GABRG1: variants seen among roughly 807,000 people sequenced by gnomAD.
The protein encoded by GABRG1 is gamma-aminobutyric acid type A receptor subunit gamma1, also known as gamma-aminobutyric acid receptor subunit gamma-1.
A neutral mutation model predicts 49.8 loss-of-function variants in GABRG1; 49 were observed. The ratio of observed to expected loss-of-function variants is 0.98; its 90% CI spans 0.78 to 1.25. GABRG1 has a LOEUF of 1.25. GABRG1 is among the 50% of genes most tolerant of loss of function. The probability of loss-of-function intolerance (pLI) is 0.00; values close to 1 mark genes in which losing one functional copy is unlikely to be tolerated. For synonymous variants in GABRG1, 232 were observed against 185.1 expected, an observed-to-expected ratio of 1.25 and a Z score of -2.06; for missense variants, 552 against 552.3, an observed-to-expected ratio of 1.00 and a Z score of 0.01.
chr4:46,040,924 G>T lies in GABRG1; in HGVS notation c.*64C>A, dbSNP rs1717746300. The T allele has an allele frequency of 3.1e-5, 45 of 1,474,360 alleles. No homozygotes were observed. The South Asian group carries it at 5.7e-4, about 19-fold the overall frequency. The allele number at this position is 1,474,360 out of a possible 1,614,324, so 91.3% of individuals were successfully genotyped here. ...TTTTAAATTTAAACTTCAAGTTACT[G>T]AAGCACAAAAGATTCTACTGAATTT... On this transcript the variant is annotated 3_prime_UTR_variant, in exon 9 of 9. Transcript: ENST00000295452.
chr4:46,039,049 A>G lies in GABRG1; in HGVS notation c.*1939T>C, dbSNP rs965350907. On this transcript the variant is annotated 3_prime_UTR_variant, in exon 9 of 9. Transcript: ENST00000295452. ...CAAAACTGTCTCATGATAGTAAGCTATAGCTTCAAACATGAAAATAGCCAT... is the reference window on the plus strand; with the variant it reads ...CAAAACTGTCTCATGATAGTAAGCTGTAGCTTCAAACATGAAAATAGCCAT... 4 of 151,778 alleles carry G rather than the reference A, an allele frequency of 2.6e-5. No homozygotes were observed. The highest frequency in any genetic ancestry group is 2.0e-4 in the Admixed American group (3 of 15,200). 9.4% of individuals were successfully genotyped at this position (151,778 alleles called of 1,614,324 possible). A position where few individuals can be genotyped will look rare whatever the true frequency, so the allele number is the denominator to read the frequency against.
At chr4:46,102,010 T>A (rs1023341249) in intron 1 of GABRG1, among the ~76,000 whole-genome samples, 2 of 151,634 alleles carry the variant, frequency 1.3e-5, no homozygotes, top group African/African-American at 2.4e-5. Flanking sequence ...CATGTACACA[T>A]TGTATAATGT....
intron 4 of GABRG1, among the ~76,000 whole-genome samples, chr4:46,065,103 A>C (rs1056271141): frequency 6.6e-6 from 1 of 152,172 alleles, no homozygotes; most frequent in African/African-American, 2.4e-5. Flanking sequence ...TAAGAAAACC[A>C]TAATCTTTAT....
chr4:46,041,306 A>G, intron 8 of GABRG1, 52 bp from the exon 9 acceptor site: 1 of 1,572,194 alleles, frequency 6.4e-7, no homozygotes, highest in South Asian at 1.2e-5. Flanking sequence ...GCATAAGGAA[A>G]GATCAATTTG....
At chr4:46,093,692 A>T (rs115119159) in intron 2 of GABRG1, among the ~76,000 whole-genome samples, 2,412 of 152,124 alleles carry the variant, frequency 0.016, 62 homozygotes, top group African/African-American at 0.056. Context: ...GTATATAAAA[A>T]TACCTCATGT....
rs1291372503 is a variant in GABRG1 at position 46,037,307 on chromosome 4, A to T, written c.*3681T>A. On this transcript the variant is annotated 3_prime_UTR_variant, in exon 9 of 9. Transcript: ENST00000295452. ...TTACATTAACTAGAGCAATGTGGTC[A>T]ATAGTATTTGAAAACTCCATTTGGA... 6.6e-6 allele frequency: 1 copy of T among 151,904 alleles called. No individual in the cohort carries two copies. The highest frequency in any genetic ancestry group is 1.5e-5 in the Non-Finnish European group (1 of 67,866). 9.4% of individuals were successfully genotyped at this position (151,904 alleles called of 1,614,324 possible). A position where few individuals can be genotyped will look rare whatever the true frequency, so the allele number is the denominator to read the frequency against.
intron 3 of GABRG1, among the ~76,000 whole-genome samples, chr4:46,076,672 A>G (rs1719348123): frequency 6.6e-6 from 1 of 151,564 alleles, no homozygotes; most frequent in Admixed American, 6.6e-5. Flanking sequence ...AACATTGCCC[A>G]CAAACCTGCC....
At chr4:46,108,922 T>C (rs1253844630) in intron 1 of GABRG1, among the ~76,000 whole-genome samples, 3 of 151,078 alleles carry the variant, frequency 2.0e-5, no homozygotes. Context: ...TGCCCTTGCA[T>C]TGATAACATA....
At chr4:46,052,401 T>A (rs1308383257) in intron 7 of GABRG1, among the ~76,000 whole-genome samples, 1 of 151,840 alleles carries the variant, frequency 6.6e-6, no homozygotes, top group Non-Finnish European at 1.5e-5. Context: ...CATTTTTTAA[T>A]CTCAATGTTT....
chr4:46,097,139 A>G (rs1720189895), intron 2 of GABRG1, 62 bp downstream of exon 2: 1 of 1,334,452 alleles, frequency 7.5e-7, no homozygotes, highest in Non-Finnish European at 1.0e-6. Flanking sequence ...AATGATTAAA[A>G]TAGTACCAGT....
At chr4:46,071,785 T>G (rs1719134404) in intron 3 of GABRG1, among the ~76,000 whole-genome samples, 1 of 152,022 alleles carries the variant, frequency 6.6e-6, no homozygotes, top group South Asian at 2.1e-4. Context: ...GAAAATACTT[T>G]GTACAGTTGT....
At chr4:46,071,296 TACACACACAG>T (rs1351250808) in intron 3 of GABRG1, among the ~76,000 whole-genome samples, 3 of 151,736 alleles carry the variant, frequency 2.0e-5, no homozygotes, top group Non-Finnish European at 1.5e-5. Context: ...TTCTACTTTA[TACACACACAG>T]ACACAACAAA....
chr4:46,099,616 A>C (rs532779159), intron 1 of GABRG1, among the ~76,000 whole-genome samples: 1 of 151,672 alleles, frequency 6.6e-6, no homozygotes, highest in South Asian at 2.1e-4. Context: ...TACTATTCCA[A>C]ATCTCACCAG....
intron 3 of GABRG1, among the ~76,000 whole-genome samples, chr4:46,077,793 TA>T (rs1165938185): frequency 3.3e-5 from 5 of 151,596 alleles, no homozygotes; most frequent in Non-Finnish European, 5.9e-5. Context: ...GACAGACAAA[TA>T]AAACAATGAA....
At chr4:46,109,034 A>T (rs1467415729) in intron 1 of GABRG1, among the ~76,000 whole-genome samples, 1 of 151,020 alleles carries the variant, frequency 6.6e-6, no homozygotes, top group East Asian at 2.0e-4. Flanking sequence ...AGGGTTTTCC[A>T]TATCTCTTAG....
chr4:46,077,155 TA>T (rs1290805215), intron 3 of GABRG1, among the ~76,000 whole-genome samples: 6 of 79,776 alleles, frequency 7.5e-5, no homozygotes, highest in African/African-American at 2.5e-4. Context: ...TGTTGTGGGG[TA>T]GGGGGAGGGG....
intron 5 of GABRG1, among the ~76,000 whole-genome samples, chr4:46,062,438 G>A (rs1460332654): frequency 6.6e-6 from 1 of 152,106 alleles, no homozygotes; most frequent in African/African-American, 2.4e-5. Context: ...CTAGATCCCT[G>A]AGGAATCGCC....
rs764054034 is a variant in GABRG1 at position 46,040,941 on chromosome 4, A to T, written c.*47T>A. On this transcript the variant is annotated 3_prime_UTR_variant, in exon 9 of 9. Transcript: ENST00000295452. ...AAGTTACTGAAGCACAAAAGATTCT[A>T]CTGAATTTAGTCAGACTTCTTTTGA... 3 of 1,543,672 alleles carry T rather than the reference A, an allele frequency of 1.9e-6. No individual in the cohort carries two copies. Among genetic ancestry groups the T allele is most frequent in the Non-Finnish European group, 2.6e-6 (3 of 1,138,740 alleles).
intron 3 of GABRG1, among the ~76,000 whole-genome samples, chr4:46,078,174 A>T (rs1719429914): frequency 6.6e-6 from 1 of 151,984 alleles, no homozygotes; most frequent in Non-Finnish European, 1.5e-5. Context: ...CTTATAATAG[A>T]TTTTAAAAAT....
Sources: gnomAD v4.1 joint callset for allele counts (sites outside exome capture counted in the v4.1 genomes callset) on GRCh38, gnomAD v4.1.1 for gene constraint, MANE v1.5 for transcripts, NCBI Gene and HGNC (gene_info 2026-07-23, HGNC 2026-07-21) for gene names.